FGD1: variants seen among roughly 807,000 people sequenced by gnomAD.
FGD1 encodes FYVE, RhoGEF and PH domain containing 1.
FGD1 carries 12 observed loss-of-function variants against 65.0 expected under a neutral mutation model. That is an observed-to-expected ratio of 0.18 (90% confidence interval 0.12 to 0.30). FGD1 has a LOEUF of 0.30. Among genes scored for constraint, FGD1 ranks in the 10% least tolerant of loss-of-function variants. The pLI, the probability that FGD1 is intolerant of heterozygous loss-of-function variation, is 1.00. For missense variants in FGD1, 542 were observed against 837.6 expected (o/e 0.65, Z 4.36); for synonymous variants, 333 against 343.9 (o/e 0.97, Z 0.35).
At chrX:54,464,625 A>G (rs988075212) in intron 8 of FGD1, among the ~76,000 whole-genome samples, 3 of 110,957 alleles carry the variant, frequency 2.7e-5, no homozygotes, top group African/African-American at 9.9e-5. Flanking sequence ...AAATCTGGGG[A>G]AGAGAAAGTG....
chrX:54,480,800 C>T (rs374700007), intron 1 of FGD1, among the ~76,000 whole-genome samples: 2 of 110,258 alleles, frequency 1.8e-5, no homozygotes, highest in African/African-American at 3.3e-5. Context: ...TACAGGCACA[C>T]GCCACTACAT....
intron 11 of FGD1, 40 bp from the exon 12 acceptor site, chrX:54,455,567 C>T (rs1279141759): frequency 1.8e-6 from 2 of 1,118,493 alleles, no homozygotes; most frequent in South Asian, 1.8e-5. Flanking sequence ...GGCCACTGAA[C>T]TCCACAGGGC....
At chrX:54,482,469 TG>T (rs1224825680) in intron 1 of FGD1, among the ~76,000 whole-genome samples, 2 of 109,831 alleles carry the variant, frequency 1.8e-5, no homozygotes, top group African/African-American at 6.7e-5. Context: ...GGGAAGGGAG[TG>T]GAACTGCAGC....
chrX:54,479,325 C>T (rs1427012944), intron 1 of FGD1, among the ~76,000 whole-genome samples: 1 of 111,469 alleles, frequency 9.0e-6, no homozygotes, highest in Non-Finnish European at 1.9e-5. Context: ...GCCCCTCTCA[C>T]TTCTCCCAGC....
chrX:54,482,026 G>A (rs1317591255), intron 1 of FGD1, among the ~76,000 whole-genome samples: 4 of 110,395 alleles, frequency 3.6e-5, no homozygotes, highest in Admixed American at 9.7e-5. Context: ...AGACCCATGC[G>A]CAGAAACATC....
Position 54,480,644 on chromosome X carries a change from C to T in FGD1, c.308-9157G>A, listed in dbSNP as rs377515921. ...CAATATTTCAAGGGAATCCAGAAAT[C>T]CAGATTTTTCTTCTTTTTTTTTTTT... is the stretch of plus-strand genomic sequence containing the variant. On this transcript the variant is annotated intron_variant, in intron 1 of 17. Transcript: ENST00000375135. Among the ~76,000 whole-genome samples, 5 of 109,740 alleles carry T rather than the reference C, an allele frequency of 4.6e-5. No individual in the cohort carries two copies. The East Asian group carries it at 8.5e-4, about 19-fold the overall frequency.
At position 54,468,787 on chromosome X, in the gene FGD1, C is replaced by G; in HGVS notation, c.1191G>C (p.Gln397His). 8.3e-7 allele frequency: 1 copy of G among 1,201,898 alleles called. No homozygotes were observed. ...CTCGTACCCCCAAGGGGCCACTCACCTGATCCAGGAGATGGAGCCTGGAAA... is the reference window on the plus strand; with the variant it reads ...CTCGTACCCCCAAGGGGCCACTCACGTGATCCAGGAGATGGAGCCTGGAAA... ...AYVSRLHLLD[Q>H]VFCARLLEEA... The change falls in exon 5 of 18, where the codon CAG becomes CAC. Residue 397 changes from glutamine (Q) to histidine (H), a missense_variant and splice_region_variant. By Grantham distance (24) the Gln-to-His change is conservative. Around this residue, in one of 6 missense-constraint regions of FGD1, gnomAD observed 22 missense variants for 46.4 expected, o/e 0.47. Transcript: ENST00000375135.
At chrX:54,463,802 C>T (rs1922693532) in intron 8 of FGD1, among the ~76,000 whole-genome samples, 1 of 111,625 alleles carries the variant, frequency 9.0e-6, no homozygotes, top group African/African-American at 3.3e-5. Context: ...CCCCAACAGG[C>T]ATGTGCCTAC....
intron 1 of FGD1, among the ~76,000 whole-genome samples, chrX:54,477,697 G>A (rs1923050660): frequency 1.8e-5 from 2 of 111,015 alleles, no homozygotes; most frequent in African/African-American, 3.3e-5. Flanking sequence ...CCAAGGTGCT[G>A]TGATTACAGG....
intron 8 of FGD1, 131 bp downstream of exon 8, chrX:54,465,320 C>G: frequency 1.4e-6 from 1 of 722,486 alleles, no homozygotes; most frequent in South Asian, 2.8e-5. Flanking sequence ...TGGAGATTCT[C>G]CTCTGGGATT....
At chrX:54,481,748 G>A (rs1923147009) in intron 1 of FGD1, among the ~76,000 whole-genome samples, 1 of 108,165 alleles carries the variant, frequency 9.2e-6, no homozygotes, top group African/African-American at 3.4e-5. Context: ...GAATGGTTCT[G>A]CAGACAAGGG....
chrX:54,494,488 G>C (rs1255579906), intron 1 of FGD1, among the ~76,000 whole-genome samples: 2 of 102,218 alleles, frequency 2.0e-5, no homozygotes, highest in East Asian at 6.1e-4. Flanking sequence ...AGAAGGCTTG[G>C]CATTACTTTC....
intron 12 of FGD1, among the ~76,000 whole-genome samples, chrX:54,454,183 G>A (rs760217801): frequency 3.6e-5 from 4 of 111,507 alleles, no homozygotes; most frequent in South Asian, 7.5e-4. Context: ...CTATCAGAGA[G>A]CGTACTGACA....
chrX:54,450,261 T>G lies in FGD1; in HGVS notation c.2046+10A>C. 1 of 1,207,964 alleles carries G rather than the reference T, an allele frequency of 8.3e-7. No homozygotes were observed. Among genetic ancestry groups the G allele is most frequent in the Non-Finnish European group, 1.1e-6 (1 of 892,123 alleles). On this transcript the variant is annotated intron_variant, in intron 13 of 17. Coordinates refer to ENST00000375135, the MANE Select transcript of FGD1 (RefSeq NM_004463.3). Reference sequence around the variant, plus strand: ...CTTCTAGCCCCCTACCACAGAGCCTTGGATGTTACCTGGACCCAGTCTTTC... The same window carrying G: ...CTTCTAGCCCCCTACCACAGAGCCTGGGATGTTACCTGGACCCAGTCTTTC...
Position 54,447,457 on chromosome X carries a change from G to A in FGD1, c.2437-3C>T, listed in dbSNP as rs765287591. The stretch of plus-strand genomic sequence containing the variant: ...TCTGCAGCCACTGAGGCCTGTTTCT[G>A]TGGCCAGAGACACCGGGCATCAATG... On this transcript the variant is annotated splice_polypyrimidine_tract_variant and splice_region_variant and intron_variant, in intron 16 of 17. Coordinates refer to ENST00000375135, the MANE Select transcript of FGD1 (RefSeq NM_004463.3). 5.8e-6 allele frequency: 7 copies of A among 1,207,602 alleles called. No individual in the cohort carries two copies. In the Admixed American group the frequency reaches 1.1e-4, roughly 19 times the overall value.
chrX:54,469,301 G>T (rs944795252), intron 4 of FGD1, among the ~76,000 whole-genome samples: 1 of 112,120 alleles, frequency 8.9e-6, no homozygotes, highest in African/African-American at 3.2e-5. Flanking sequence ...GTAGAGGCTG[G>T]TGAGAAACAA....
In FGD1 at chrX:54,456,563, A is replaced by G. The variant is rs781159871; in HGVS notation, c.1641T>C (p.Ser547=). 8.3e-7 allele frequency: 1 copy of G among 1,206,652 alleles called. No individual in the cohort carries two copies. The highest frequency in any genetic ancestry group is 1.1e-6 in the Non-Finnish European group (1 of 893,101). ...CTGCTGCTGTGGCGATCAGCTCCAG[A>G]GACTCTACAGGCATAGAGGGGTGAG... is the stretch of plus-strand genomic sequence containing the variant. ...GSPDSKDAQK[S]LELIATAAEH... Residue 547 remains serine, a synonymous_variant, in exon 9 of 18, where the codon TCT becomes TCC. Coordinates refer to ENST00000375135, the MANE Select transcript of FGD1 (RefSeq NM_004463.3).
chrX:54,470,300 G>A lies in FGD1; in HGVS notation c.817C>T (p.Arg273Trp), dbSNP rs371142178. The A allele has an allele frequency of 8.3e-7, 1 of 1,204,950 alleles. No homozygotes were observed. The highest frequency in any genetic ancestry group is 1.7e-5 in the African/African-American group (1 of 57,204). Reference protein sequence around the residue: ...RCLFLLAPGPRDGEKVPNRDS... With the variant: ...RCLFLLAPGPWDGEKVPNRDS... ...CGGTTGGGCACCTTCTCACCGTCCC[G>A]GGGCCCAGGAGCCAGCAGAAACAGG... The change falls in exon 4 of 18, where the codon CGG becomes TGG. Residue 273 changes from arginine (R) to tryptophan (W), a missense_variant. Transcript: ENST00000375135.
intron 10 of FGD1, 53 bp from the exon 11 acceptor site, chrX:54,455,837 G>A (rs1028202031): frequency 4.0e-6 from 4 of 993,879 alleles, no homozygotes; most frequent in Middle Eastern, 2.6e-4. Context: ...TGGGGATGTG[G>A]CCCAGCTCCT....
Sources: allele counts gnomAD v4.1 joint callset (sites outside exome capture counted in the v4.1 genomes callset), GRCh38; gene constraint gnomAD v4.1.1; regional missense constraint gnomAD v4.1.1; transcripts MANE v1.5; gene names NCBI Gene and HGNC (gene_info 2026-07-23, HGNC 2026-07-21).